Variants in HPSE2 observed in about 807,000 individuals in gnomAD.
HPSE2 encodes the protein inactive heparanase-2.
In HPSE2, 38 loss-of-function variants were observed where a neutral mutation model predicts 60.5. That is an observed-to-expected ratio of 0.63 (90% CI 0.48 to 0.82). The LOEUF (loss-of-function observed/expected upper bound fraction) is 0.82. HPSE2 is among the 40% of genes least tolerant of loss of function. The probability of loss-of-function intolerance (pLI) is 0.00; values close to 1 mark genes in which losing one functional copy is unlikely to be tolerated. For synonymous variants in HPSE2, 295 were observed against 293.2 expected (o/e 1.01, Z -0.06); for missense variants, 713 against 740.4 (o/e 0.96, Z 0.43).
intron 3 of HPSE2, among the ~76,000 whole-genome samples, chr10:99,138,390 G>T (rs1316001223): frequency 1.3e-5 from 2 of 151,998 alleles, no homozygotes; most frequent in Admixed American, 6.6e-5. Flanking sequence ...CCCATTACTG[G>T]GTATATACCC....
chr10:98,495,873 T>C (rs1941819852), intron 9 of HPSE2, among the ~76,000 whole-genome samples: 1 of 152,212 alleles, frequency 6.6e-6, no homozygotes, highest in Non-Finnish European at 1.5e-5. Context: ...TTTTCAATAA[T>C]GGTTTCTATG....
the HPSE2 span, among the ~76,000 whole-genome samples, chr10:99,249,403 A>T: frequency 6.6e-6 from 1 of 151,990 alleles, no homozygotes; most frequent in Non-Finnish European, 1.5e-5. Context: ...TGTGTTTTGG[A>T]TTTGCATAGG....
rs1234805442 is a variant in HPSE2, at chr10:99,230,791, T to G, written c.448+1557A>C. On this transcript the variant is annotated intron_variant, in intron 2 of 11. Transcript: ENST00000370552. ...GGCTCTTACAAGTTTTCCCACAAAC[T>G]AAAGAGGAAGTAGTTCAAATGGATT... is the stretch of plus-strand genomic sequence containing the variant. Among the ~76,000 whole-genome samples, 3 of 152,192 alleles carry G rather than the reference T, an allele frequency of 2.0e-5. No individual in the cohort carries two copies. The South Asian group carries it at 6.2e-4, about 32-fold the overall frequency.
At position 98,458,874 on chromosome 10, in the gene HPSE2, G is replaced by T. The variant is rs1435412735; in HGVS notation, c.*700C>A. 1 of 155,982 alleles carries T rather than the reference G, an allele frequency of 6.4e-6. No individual in the cohort carries two copies. Among genetic ancestry groups the T allele is most frequent in the Non-Finnish European group, 1.4e-5 (1 of 70,280 alleles). The allele number at this position is 155,982 out of a possible 1,614,324, so 9.7% of individuals were successfully genotyped here. On this transcript the variant is annotated 3_prime_UTR_variant, in exon 12 of 12. Coordinates refer to ENST00000370552, the MANE Select transcript of HPSE2 (RefSeq NM_021828.5). Reference sequence around the variant, plus strand: ...GGGAATCTGGATTCACAGAGGAATAGAACCTTCTTACCAAATCTGGAGTGT... The same window carrying T: ...GGGAATCTGGATTCACAGAGGAATATAACCTTCTTACCAAATCTGGAGTGT...
chr10:98,615,442 G>T (rs1470856811), intron 8 of HPSE2, among the ~76,000 whole-genome samples: 2 of 152,120 alleles, frequency 1.3e-5, no homozygotes, highest in African/African-American at 4.8e-5. Context: ...CCCTGTCCCT[G>T]AATATGTACC....
chr10:98,599,636 C>T (rs1277656575), intron 9 of HPSE2, among the ~76,000 whole-genome samples: 2 of 152,152 alleles, frequency 1.3e-5, no homozygotes, highest in Admixed American at 1.3e-4. Context: ...CTCTCCTTCC[C>T]CCAAGTGCAG....
At chr10:98,628,969 A>G (rs1349019503) in intron 7 of HPSE2, among the ~76,000 whole-genome samples, 6 of 152,190 alleles carry the variant, frequency 3.9e-5, no homozygotes, top group African/African-American at 1.4e-4. Context: ...GCACATTTTC[A>G]AATTTGGGCT....
At chr10:99,249,964 A>G in the HPSE2 span, among the ~76,000 whole-genome samples, 1 of 152,050 alleles carries the variant, frequency 6.6e-6, no homozygotes, top group East Asian at 1.9e-4. Context: ...CAACATGGTG[A>G]AACCCTGTCT....
rs114410351 is a variant in HPSE2, at chr10:98,580,425, C to A, written c.1320+34479G>T. Among the ~76,000 whole-genome samples the A allele has an allele frequency of 4.7e-3, 710 of 152,114 alleles. 8 individuals carry two copies. The highest frequency in any genetic ancestry group is 0.016 in the African/African-American group (681 of 41,518). On this transcript the variant is annotated intron_variant, in intron 9 of 11. Transcript: ENST00000370552. ...TTCTCATCTCCATTTTATAACTTTT[C>A]TTTCAATATTTTGTATCTTTTTGTT...
intron 4 of HPSE2, among the ~76,000 whole-genome samples, chr10:98,728,308 C>G (rs550926827): frequency 2.6e-5 from 4 of 152,108 alleles, no homozygotes. Context: ...TGTACTGAAG[C>G]AAGTTTCTGT....
intron 3 of HPSE2, among the ~76,000 whole-genome samples, chr10:98,955,886 T>A: frequency 6.6e-6 from 1 of 151,840 alleles, no homozygotes; most frequent in African/African-American, 2.4e-5. Flanking sequence ...TGTTCTCACT[T>A]ATAAGTGGGA....
chr10:99,081,519 G>C (rs1843135270), intron 3 of HPSE2, among the ~76,000 whole-genome samples: 1 of 151,876 alleles, frequency 6.6e-6, no homozygotes, highest in African/African-American at 2.4e-5. Context: ...AGAGTATCTG[G>C]ATATACTCGG....
intron 3 of HPSE2, among the ~76,000 whole-genome samples, chr10:98,967,415 T>A (rs568519204): frequency 6.6e-6 from 1 of 152,238 alleles, no homozygotes; most frequent in Admixed American, 6.5e-5. Flanking sequence ...ATGTGAACTG[T>A]CTCCAAGCCA....
chr10:98,707,432 C>G (rs976382595), intron 5 of HPSE2, among the ~76,000 whole-genome samples: 4 of 152,122 alleles, frequency 2.6e-5, no homozygotes, highest in African/African-American at 7.2e-5. Flanking sequence ...CTTCATGACA[C>G]TATAATCAGG....
At chr10:99,283,677 T>C in the HPSE2 span, among the ~76,000 whole-genome samples, 1 of 152,240 alleles carries the variant, frequency 6.6e-6, no homozygotes, top group East Asian at 1.9e-4. Flanking sequence ...GGGACATTAC[T>C]ACTGATTTTA....
At chr10:98,671,181 G>C (rs1055562392) in intron 6 of HPSE2, among the ~76,000 whole-genome samples, 1 of 152,134 alleles carries the variant, frequency 6.6e-6, no homozygotes, top group Non-Finnish European at 1.5e-5. Flanking sequence ...TGGTGGTAGT[G>C]TAGAAGAAAG....
chr10:98,790,692 G>A (rs1950636285), intron 3 of HPSE2, among the ~76,000 whole-genome samples: 1 of 152,144 alleles, frequency 6.6e-6, no homozygotes, highest in Admixed American at 6.6e-5. Context: ...TAGCTTTACT[G>A]AATATTTCTA....
At chr10:99,184,819 T>TATATATATATATATATATATATAC (rs1554912295) in intron 2 of HPSE2, among the ~76,000 whole-genome samples, 1 of 19,858 alleles carries the variant, frequency 5.0e-5, no homozygotes, top group African/African-American at 1.7e-4. Context: ...TATATATATA[T>TATATATATATATATATATATATAC]AGAGAGAGAG....
chr10:99,003,733 C>A (rs2135380439), intron 3 of HPSE2, among the ~76,000 whole-genome samples: 1 of 152,194 alleles, frequency 6.6e-6, no homozygotes, highest in Non-Finnish European at 1.5e-5. Context: ...AACCCTTTAC[C>A]AGATGGATGG....
Sources: gnomAD v4.1 joint callset for allele counts (sites outside exome capture counted in the v4.1 genomes callset) on GRCh38, gnomAD v4.1.1 for gene constraint, MANE v1.5 for transcripts, NCBI Gene and HGNC (gene_info 2026-07-23, HGNC 2026-07-21) for gene names.